CPEB3: variants seen among roughly 807,000 people sequenced by gnomAD.
CPEB3 encodes cytoplasmic polyadenylation element binding protein 3, also known as cytoplasmic polyadenylation element-binding protein 3.
A neutral mutation model predicts 67.2 loss-of-function variants in CPEB3; 20 were observed. The observed-to-expected ratio is 0.30, with a 90% CI of 0.21 to 0.43. The LOEUF (loss-of-function observed/expected upper bound fraction) is 0.43, where lower values mean the gene tolerates loss of function less well. Among genes scored for constraint, CPEB3 ranks in the 20% least tolerant of loss-of-function variants. The pLI is 1.00. For synonymous variants in CPEB3, 376 were observed against 393.1 expected (o/e 0.96, Z 0.51); for missense variants, 746 against 968.6 (o/e 0.77, Z 3.05).
Position 92,050,175 on chromosome 10 carries a change from A to C in CPEB3, c.*2037T>G, listed in dbSNP as rs1841853505. ...GAAAAAAAACCCACAAACATAGAAAAAAACAAACAAAACCACACCTGGGCT... is the reference window on the plus strand; with the variant it reads ...GAAAAAAAACCCACAAACATAGAAACAAACAAACAAAACCACACCTGGGCT... On this transcript the variant is annotated 3_prime_UTR_variant, in exon 10 of 10. Coordinates refer to ENST00000265997, the MANE Select transcript of CPEB3 (RefSeq NM_014912.5). 6.6e-6 allele frequency: 1 copy of C among 152,532 alleles called. No homozygotes were observed. Among genetic ancestry groups the C allele is most frequent in the Non-Finnish European group, 1.5e-5 (1 of 68,032 alleles). 9.4% of individuals were successfully genotyped at this position (152,532 alleles called of 1,614,324 possible).
intron 2 of CPEB3, among the ~76,000 whole-genome samples, chr10:92,233,498 C>CT (rs1851372782): frequency 6.8e-6 from 1 of 147,032 alleles, no homozygotes; most frequent in Admixed American, 6.9e-5. Context: ...GATCATGCCA[C>CT]TGCACTCCAG....
intron 2 of CPEB3, among the ~76,000 whole-genome samples, chr10:92,215,352 C>A (rs1177152868): frequency 2.0e-5 from 3 of 149,824 alleles, no homozygotes; most frequent in African/African-American, 7.4e-5. Flanking sequence ...TGGGGTTTCA[C>A]CATGTTGGCC....
chr10:92,116,265 AAATAAT>A lies in CPEB3; in HGVS notation c.1454-5077_1454-5072del, dbSNP rs1554889851. ...CACACCTTCCAGTAAAAAAAAAAAA[AAATAAT>A]AATAATAATAATATGCACTTTCTAT... On this transcript the variant is annotated intron_variant, in intron 6 of 9. Coordinates refer to ENST00000265997, the MANE Select transcript of CPEB3 (RefSeq NM_014912.5). Among the ~76,000 whole-genome samples the A allele has an allele frequency of 3.4e-5, 5 of 145,824 alleles. No individual in the cohort carries two copies. In the South Asian group the frequency reaches 6.4e-4, roughly 19 times the overall value.
rs554725806 is a variant in CPEB3, at chr10:92,202,340, C to A, written c.1006-9704G>T. Among the ~76,000 whole-genome samples the A allele has an allele frequency of 1.8e-3, 274 of 152,020 alleles. 1 individual carries two copies. Among genetic ancestry groups the A allele is most frequent in the African/African-American group, 6.4e-3 (266 of 41,480 alleles). On this transcript the variant is annotated intron_variant, in intron 2 of 9. Transcript: ENST00000265997. ...CCATATACACTGATGTTTATAACAA[C>A]TTTATAAAACAATGTTATTTATAAT...
At chr10:92,244,346 C>CAAAAAAA (rs1249850464) in intron 1 of CPEB3, among the ~76,000 whole-genome samples, 1 of 136,398 alleles carries the variant, frequency 7.3e-6, no homozygotes. Context: ...GACCCTGTCT[C>CAAAAAAA]AAAAAAAAAA....
intron 9 of CPEB3, among the ~76,000 whole-genome samples, chr10:92,073,992 G>A (rs1444567080): frequency 6.6e-6 from 1 of 152,134 alleles, no homozygotes; most frequent in Non-Finnish European, 1.5e-5. Flanking sequence ...CCTTAACTAA[G>A]TAGAAAAAGA....
At chr10:92,086,710 T>C (rs1843390018) in intron 8 of CPEB3, among the ~76,000 whole-genome samples, 1 of 152,204 alleles carries the variant, frequency 6.6e-6, no homozygotes, top group African/African-American at 2.4e-5. Context: ...ACCCTGTGAA[T>C]CTCTGCTTAA....
chr10:92,131,528 G>A (rs1343391263), intron 6 of CPEB3, among the ~76,000 whole-genome samples: 1 of 152,192 alleles, frequency 6.6e-6, no homozygotes, highest in African/African-American at 2.4e-5. Context: ...CTTGGAAAGA[G>A]AAACTGATAG....
chr10:92,173,181 A>G (rs1310059303), intron 4 of CPEB3, among the ~76,000 whole-genome samples: 1 of 152,208 alleles, frequency 6.6e-6, no homozygotes, highest in African/African-American at 2.4e-5. Flanking sequence ...GTTAATTACA[A>G]GTGGGGTGAA....
chr10:92,251,353 T>C (rs1255815978), intron 1 of CPEB3, among the ~76,000 whole-genome samples: 1 of 152,170 alleles, frequency 6.6e-6, no homozygotes, highest in African/African-American at 2.4e-5. Flanking sequence ...TTTTCTAACA[T>C]GTGGGATTGT....
chr10:92,159,533 G>A (rs181350171), intron 4 of CPEB3, among the ~76,000 whole-genome samples: 116 of 151,916 alleles, frequency 7.6e-4, no homozygotes, highest in African/African-American at 2.6e-3. Flanking sequence ...TTAGCCAGGC[G>A]TGATGGAGGG....
intron 1 of CPEB3, among the ~76,000 whole-genome samples, chr10:92,248,924 A>T (rs533283467): frequency 4.6e-5 from 7 of 152,186 alleles, no homozygotes; most frequent in Non-Finnish European, 8.8e-5. Context: ...TTCCAGTCAA[A>T]CCACATACAC....
chr10:92,142,302 T>C (rs1846473839), intron 6 of CPEB3, among the ~76,000 whole-genome samples: 1 of 152,228 alleles, frequency 6.6e-6, no homozygotes, highest in Non-Finnish European at 1.5e-5. Flanking sequence ...TTTTCTGAAA[T>C]GAAATGTATC....
At chr10:92,186,225 C>CAAAAAAAAAAAAAAAAAAAA (rs374713049) in intron 3 of CPEB3, among the ~76,000 whole-genome samples, 1 of 113,800 alleles carries the variant, frequency 8.8e-6, no homozygotes. Context: ...AAAAAAAATA[C>CAAAAAAAAAAAAAAAAAAAA]AAAAAAAAAA....
chr10:92,149,121 GA>G (rs1846837504), intron 4 of CPEB3, among the ~76,000 whole-genome samples: 1 of 152,110 alleles, frequency 6.6e-6, no homozygotes, highest in South Asian at 2.1e-4. Flanking sequence ...GGCTGGTCTT[GA>G]ACTCCTGACC....
intron 7 of CPEB3, among the ~76,000 whole-genome samples, chr10:92,095,213 T>C (rs1043897513): frequency 6.6e-6 from 1 of 152,168 alleles, no homozygotes; most frequent in Non-Finnish European, 1.5e-5. Flanking sequence ...TCCTTTATTC[T>C]TGGCATTGCA....
intron 6 of CPEB3, among the ~76,000 whole-genome samples, chr10:92,138,920 T>C (rs1368552342): frequency 6.6e-6 from 1 of 152,176 alleles, no homozygotes; most frequent in Non-Finnish European, 1.5e-5. Context: ...TGCAGCACTA[T>C]TCACAATAGC....
chr10:92,087,226 T>G (rs1220770277), intron 8 of CPEB3, among the ~76,000 whole-genome samples: 1 of 152,178 alleles, frequency 6.6e-6, no homozygotes, highest in African/African-American at 2.4e-5. Flanking sequence ...CTCTGAATAT[T>G]TACTTCACAA....
At chr10:92,277,968 A>C (rs1384804709) in intron 1 of CPEB3, among the ~76,000 whole-genome samples, 2 of 151,722 alleles carry the variant, frequency 1.3e-5, no homozygotes, top group African/African-American at 4.8e-5. Context: ...GTGGATCATG[A>C]GGTCAGGAGT....
Sources: gnomAD v4.1 joint callset for allele counts (sites outside exome capture counted in the v4.1 genomes callset) on GRCh38, gnomAD v4.1.1 for gene constraint, MANE v1.5 for transcripts, NCBI Gene and HGNC (gene_info 2026-07-23, HGNC 2026-07-21) for gene names.